MDM2: variants seen among roughly 807,000 people sequenced by gnomAD.
MDM2 encodes the protein E3 ubiquitin-protein ligase Mdm2.
A neutral mutation model predicts 64.3 loss-of-function variants in MDM2; 11 were observed. The ratio of observed to expected loss-of-function variants is 0.17; its 90% CI spans 0.11 to 0.28. MDM2 has a LOEUF of 0.28. Among genes scored for constraint, MDM2 ranks in the 10% least tolerant of loss-of-function variants. MDM2 has a pLI of 1.00. For missense variants in MDM2, 388 were observed against 577.1 expected (o/e 0.67, Z 3.36); for synonymous variants, 194 against 192.9 (o/e 1.01, Z -0.05).
chr12:68,808,809 G>A (rs1432206236), intron 1 of MDM2: 3 of 680,780 alleles, frequency 4.4e-6, no homozygotes, highest in Non-Finnish European at 5.4e-6. Flanking sequence ...TTCGGCGCGG[G>A]AGGTCCGGAT....
intron 8 of MDM2, among the ~76,000 whole-genome samples, chr12:68,832,944 G>T (rs572951563): frequency 5.3e-5 from 8 of 150,328 alleles, no homozygotes; most frequent in African/African-American, 1.9e-4. Context: ...GGCTAACACG[G>T]CGAAACCCCG....
chr12:68,835,699 A>C, intron 8 of MDM2, 130 bp from the exon 9 acceptor site: 1 of 810,932 alleles, frequency 1.2e-6, no homozygotes, highest in Non-Finnish European at 1.8e-6. Flanking sequence ...GTCCCGGATC[A>C]GAGCAGCAGG....
At position 68,828,917 on chromosome 12, in the gene MDM2, A is replaced by T. The variant is rs746732648; in HGVS notation, c.670A>T (p.Thr224Ser). The change falls in exon 8 of 11, where the codon ACG becomes TCG. Residue 224 changes from threonine (T) to serine (S), a missense_variant. Thr to Ser is a moderately conservative substitution (Grantham distance 58). Coordinates refer to ENST00000258149, the MANE Select transcript of MDM2 (RefSeq NM_002392.6). ...AAGCAGTAGCAGTGAATCTACAGGGACGCCATCGAATCCGGTAATGTTCTC... is the reference window on the plus strand; with the variant it reads ...AAGCAGTAGCAGTGAATCTACAGGGTCGCCATCGAATCCGGTAATGTTCTC... ...ERSSSSESTG[T>S]PSNPDLDAGV... is the part of the protein sequence containing the mutation. The T allele has an allele frequency of 6.2e-7, 1 of 1,613,922 alleles. No homozygotes were observed. Among genetic ancestry groups the T allele is most frequent in the Non-Finnish European group, 8.5e-7 (1 of 1,179,940 alleles).
At position 68,808,285 on chromosome 12, in the gene MDM2, C is replaced by T. The variant is rs1345191278; in HGVS notation, c.-193C>T. ...CCGAGCCCGAGGGGCGGCCGCGACCCCTCTGACCGAGATCCTGCTGCTTTC... is the reference window on the plus strand; with the variant it reads ...CCGAGCCCGAGGGGCGGCCGCGACCTCTCTGACCGAGATCCTGCTGCTTTC... On this transcript the variant is annotated 5_prime_UTR_variant, in exon 1 of 11. Coordinates refer to ENST00000258149, the MANE Select transcript of MDM2 (RefSeq NM_002392.6). 6.0e-6 allele frequency: 4 copies of T among 667,524 alleles called. No homozygotes were observed. The highest frequency in any genetic ancestry group is 5.8e-5 in the East Asian group (2 of 34,512). The allele number at this position is 667,524 out of a possible 1,614,324, so 41.4% of individuals were successfully genotyped here. A position where few individuals can be genotyped will look rare whatever the true frequency, so the allele number is the denominator to read the frequency against.
intron 2 of MDM2, among the ~76,000 whole-genome samples, chr12:68,812,492 T>A (rs190769931): frequency 2.6e-5 from 4 of 152,342 alleles, no homozygotes; most frequent in Admixed American, 2.6e-4. Flanking sequence ...GTGCATAGTA[T>A]ATTACATTCC....
downstream of MDM2, chr12:68,847,209 T>TATATATATATATATATATATATAC (rs1555190258): frequency 2.9e-5 from 4 of 137,084 alleles, no homozygotes; most frequent in African/African-American, 8.8e-5. Flanking sequence ...TATATATATA[T>TATATATATATATATATATATATAC]ATACTTTTTT....
At chr12:68,811,601 A>ATTTTTTTTTTTTTT in intron 2 of MDM2, among the ~76,000 whole-genome samples, 1 of 114,364 alleles carries the variant, frequency 8.7e-6, no homozygotes, top group Non-Finnish European at 1.7e-5. Context: ...TCCATTACAG[A>ATTTTTTTTTTTTTT]TTTTTTTTTT....
At chr12:68,810,384 C>T (rs1880766289) in intron 2 of MDM2, among the ~76,000 whole-genome samples, 1 of 151,826 alleles carries the variant, frequency 6.6e-6, no homozygotes, top group Non-Finnish European at 1.5e-5. Context: ...TATTTGATTG[C>T]TACTGGTAAC....
At chr12:68,820,768 T>G (rs913098672) in intron 5 of MDM2, among the ~76,000 whole-genome samples, 7 of 152,202 alleles carry the variant, frequency 4.6e-5, no homozygotes, top group Admixed American at 1.3e-4. Flanking sequence ...AGACAAAATT[T>G]TGTTTACCAA....
In MDM2 at chr12:68,839,575, G is replaced by A. The variant is rs2136178652; in HGVS notation, c.1220G>A (p.Ser407Asn). ...GACTATTCTCAGCCATCAACTTCTA[G>A]TAGCATTATTTATAGCAGCCAAGAA... is the stretch of plus-strand genomic sequence containing the variant. ...SEDYSQPSTS[S>N]SIIYSSQEDV... is the part of the protein sequence containing the mutation. Residue 407 changes from serine to asparagine, a missense_variant, in exon 11 of 11, where the codon AGT becomes AAT. By Grantham distance (46) the Ser-to-Asn change is conservative. Around this residue, in one of 5 missense-constraint regions of MDM2, gnomAD observed 138 missense variants for 143.7 expected, o/e 0.96. Coordinates refer to ENST00000258149, the MANE Select transcript of MDM2 (RefSeq NM_002392.6). The A allele has an allele frequency of 1.2e-6, 2 of 1,613,654 alleles. No individual in the cohort carries two copies. The highest frequency in any genetic ancestry group is 1.1e-5 in the South Asian group (1 of 91,072).
chr12:68,815,594 A>G (rs1007201173), intron 3 of MDM2: 1 of 404,492 alleles, frequency 2.5e-6, no homozygotes, highest in African/African-American at 2.1e-5. Flanking sequence ...GGCTTGTACC[A>G]CTATGCCTGG....
chr12:68,820,569 A>G (rs559737803), intron 5 of MDM2, among the ~76,000 whole-genome samples, 195 bp downstream of exon 5: 2 of 152,346 alleles, frequency 1.3e-5, no homozygotes, highest in Non-Finnish European at 2.9e-5. Context: ...GTAAAGTTAA[A>G]TATCCTGTTA....
chr12:68,824,905 A>C, intron 7 of MDM2: 1 of 421,548 alleles, frequency 2.4e-6, no homozygotes. Flanking sequence ...CTGTTAAGAT[A>C]GTAGGAGGTG....
rs1241409542 is a variant in MDM2, at chr12:68,828,830, A to G, written c.583A>G (p.Ile195Val). 2 of 1,614,086 alleles carry G rather than the reference A, an allele frequency of 1.2e-6. No individual in the cohort carries two copies. The highest frequency in any genetic ancestry group is 3.3e-5 in the Admixed American group (2 of 60,008). ...AAGAAAACGCCACAAATCTGATAGT[A>G]TTTCCCTTTCCTTTGATGAAAGCCT... is the stretch of plus-strand genomic sequence containing the variant. Reference protein sequence around the residue: ...RQRKRHKSDSISLSFDESLAL... With the variant: ...RQRKRHKSDSVSLSFDESLAL... Residue 195 changes from isoleucine to valine, a missense_variant, in exon 8 of 11, where the codon ATT becomes GTT. By Grantham distance (29) the Ile-to-Val change is conservative. Transcript: ENST00000258149.
At chr12:68,824,527 G>A in intron 6 of MDM2, 28 bp from the exon 7 acceptor site, 1 of 1,600,350 alleles carries the variant, frequency 6.2e-7, no homozygotes, top group Non-Finnish European at 8.5e-7. Context: ...TAAGTTTGTT[G>A]TATTTTATTT....
chr12:68,820,484 TTAAA>T (rs1881754461), intron 5 of MDM2, 110 bp downstream of exon 5: 6 of 803,106 alleles, frequency 7.5e-6, no homozygotes, highest in Non-Finnish European at 6.1e-6. Flanking sequence ...GTTGCTTTAA[TTAAA>T]TATTGTAATA....
intron 8 of MDM2, among the ~76,000 whole-genome samples, chr12:68,831,413 G>T (rs1209297470): frequency 6.6e-6 from 1 of 152,106 alleles, no homozygotes; most frequent in Non-Finnish European, 1.5e-5. Flanking sequence ...AAGAAAACTG[G>T]CCCTCCCACC....
intron 2 of MDM2, among the ~76,000 whole-genome samples, chr12:68,810,309 TA>T (rs149695813): frequency 0.33 from 46,196 of 140,316 alleles, 8,645 homozygotes; most frequent in East Asian, 0.54. Context: ...AAACTCCGTC[TA>T]AAAAAAAAAA....
At chr12:68,834,367 C>T (rs1378514184) in intron 8 of MDM2, among the ~76,000 whole-genome samples, 1 of 149,470 alleles carries the variant, frequency 6.7e-6, no homozygotes, top group Non-Finnish European at 1.5e-5. Context: ...GCTTGAACCC[C>T]GGAGGCGGAG....
Sources: gnomAD v4.1 joint callset for allele counts (sites outside exome capture counted in the v4.1 genomes callset) on GRCh38, gnomAD v4.1.1 for gene constraint, gnomAD v4.1.1 regional missense constraint, MANE v1.5 for transcripts, NCBI Gene and HGNC (gene_info 2026-07-23, HGNC 2026-07-21) for gene names.